The following HEATR5A variants were observed in gnomAD, a reference collection of about 807,000 sequenced individuals.
HEATR5A encodes HEAT repeat-containing protein 5A.
Under a neutral mutation model 218.8 loss-of-function variants are expected in HEATR5A, and 178 were observed. That is an observed-to-expected ratio of 0.81 (90% CI 0.72 to 0.92). HEATR5A has a LOEUF of 0.92. HEATR5A is among the 40% of genes least tolerant of loss of function. The probability of loss-of-function intolerance (pLI) is 0.00; values close to 1 mark genes in which losing one functional copy is unlikely to be tolerated. For synonymous variants in HEATR5A, 864 were observed against 871.6 expected, an observed-to-expected ratio of 0.99 and a Z score of 0.15; for missense variants, 2,420 against 2,418.9, an observed-to-expected ratio of 1.00 and a Z score of -0.01.
At chr14:31,410,748 T>C (rs1226424936) in intron 1 of HEATR5A, among the ~76,000 whole-genome samples, 2 of 152,200 alleles carry the variant, frequency 1.3e-5, no homozygotes, top group Non-Finnish European at 2.9e-5. Context: ...ATCAATTCCA[T>C]CTTTGAATCT....
intron 34 of HEATR5A, among the ~76,000 whole-genome samples, chr14:31,295,135 A>G (rs923596055): frequency 1.3e-5 from 2 of 152,224 alleles, no homozygotes; most frequent in African/African-American, 4.8e-5. Context: ...GCACATAAAA[A>G]ATAGGACATT....
intron 1 of HEATR5A, among the ~76,000 whole-genome samples, chr14:31,410,037 G>C (rs1424315535): frequency 6.6e-6 from 1 of 152,176 alleles, no homozygotes; most frequent in African/African-American, 2.4e-5. Flanking sequence ...TTGGACATGA[G>C]ATAAGATAGG....
chr14:31,411,915 G>A (rs2031287682), intron 1 of HEATR5A, among the ~76,000 whole-genome samples: 1 of 151,992 alleles, frequency 6.6e-6, no homozygotes, highest in Non-Finnish European at 1.5e-5. Flanking sequence ...GAGTGCAGTG[G>A]TGTAATCTTG....
At chr14:31,350,347 T>C (rs1901177157) in intron 17 of HEATR5A, among the ~76,000 whole-genome samples, 2 of 152,286 alleles carry the variant, frequency 1.3e-5, no homozygotes, top group East Asian at 1.9e-4. Flanking sequence ...CCACAGGCCA[T>C]AGTCTATCAA....
intron 25 of HEATR5A, among the ~76,000 whole-genome samples, chr14:31,319,404 C>T (rs894116632): frequency 3.3e-5 from 5 of 152,070 alleles, no homozygotes; most frequent in African/African-American, 4.8e-5. Context: ...CCGCCTACCT[C>T]GGCCTCCCAA....
chr14:31,363,065 C>G (rs550654881), intron 14 of HEATR5A, among the ~76,000 whole-genome samples: 1 of 151,582 alleles, frequency 6.6e-6, no homozygotes, highest in African/African-American at 2.4e-5. Context: ...GGTGAAACCC[C>G]ATCTCTATTA....
chr14:31,313,277 C>T (rs1232485606), intron 27 of HEATR5A, 87 bp from the exon 28 acceptor site: 1 of 980,618 alleles, frequency 1.0e-6, no homozygotes, highest in Non-Finnish European at 1.6e-6. Flanking sequence ...AAGAGGCAGA[C>T]TTACCTTTGA....
At chr14:31,336,970 T>A (rs982302346) in intron 22 of HEATR5A, among the ~76,000 whole-genome samples, 4 of 152,176 alleles carry the variant, frequency 2.6e-5, no homozygotes, top group Non-Finnish European at 4.4e-5. Flanking sequence ...TACAAACCCA[T>A]AGAACAAGTT....
chr14:31,417,661 A>T (rs933232949), intron 1 of HEATR5A, among the ~76,000 whole-genome samples: 8 of 152,012 alleles, frequency 5.3e-5, no homozygotes, highest in African/African-American at 1.9e-4. Context: ...GAGGCAGGAG[A>T]ATCGCTTGAA....
intron 12 of HEATR5A, among the ~76,000 whole-genome samples, 191 bp from the exon 13 acceptor site, chr14:31,372,100 A>C (rs779862525): frequency 2.0e-5 from 3 of 151,924 alleles, no homozygotes; most frequent in Non-Finnish European, 4.4e-5. Flanking sequence ...AAAAACAACA[A>C]CAACTCTCTA....
intron 13 of HEATR5A, among the ~76,000 whole-genome samples, chr14:31,368,831 G>A (rs1221795955): frequency 6.6e-6 from 1 of 151,554 alleles, no homozygotes; most frequent in Non-Finnish European, 1.5e-5. Context: ...CAAAGCACTA[G>A]GATTACAGGC....
In HEATR5A at chr14:31,371,900, C is replaced by T. The variant is rs547999492; in HGVS notation, c.1871G>A (p.Ser624Asn). 23 of 1,513,970 alleles carry T rather than the reference C, an allele frequency of 1.5e-5. No homozygotes were observed. The East Asian group carries it at 5.7e-4, about 38-fold the overall frequency. 93.8% of individuals were successfully genotyped at this position (1,513,970 alleles called of 1,614,324 possible). ...GRAGALCAIKSFVSHCGDLLT... is the reference protein window; with the variant it reads ...GRAGALCAIKNFVSHCGDLLT... ...AAGATCACCACAGTGGGAAACAAAG[C>T]TCTTGATAGCTGAAAAGGAAAACAG... is the stretch of plus-strand genomic sequence containing the variant. The change falls in exon 13 of 36, where the codon AGC becomes AAC. Residue 624 changes from serine to asparagine, a missense_variant. By Grantham distance (46) the Ser-to-Asn change is conservative (BLOSUM62 1). Transcript: ENST00000543095.
In HEATR5A at chr14:31,388,858, A is replaced by G. The variant is rs2030338151; in HGVS notation, c.920T>C (p.Val307Ala). ...TGTGATTCCAACCTGAGTAACTCCA[A>G]CTCGAACATCCCTACTGACTGAACT... is the stretch of plus-strand genomic sequence containing the variant. ...GTSSVSRDVR[V>A]GVTQAYVVFV... The change falls in exon 7 of 36, where the codon GTT (valine) becomes GCT (alanine). Residue 307 changes from valine to alanine, a missense_variant. Physicochemically the swap from Val to Ala is moderately conservative, Grantham distance 64. Coordinates refer to ENST00000543095, the MANE Select transcript of HEATR5A (RefSeq NM_015473.4). The G allele has an allele frequency of 1.2e-6, 2 of 1,613,632 alleles. No individual in the cohort carries two copies. Among genetic ancestry groups the G allele is most frequent in the African/African-American group, 2.7e-5 (2 of 74,908 alleles).
intron 32 of HEATR5A, among the ~76,000 whole-genome samples, 197 bp downstream of exon 32, chr14:31,304,708 C>T (rs1365974174): frequency 5.3e-5 from 8 of 152,204 alleles, no homozygotes; most frequent in East Asian, 1.9e-4. Flanking sequence ...TGAGCCATTG[C>T]GCCTAGCCCT....
chr14:31,312,837 G>T (rs1899800352), intron 28 of HEATR5A, 131 bp downstream of exon 28: 1 of 698,860 alleles, frequency 1.4e-6, no homozygotes, highest in Non-Finnish European at 2.4e-6. Flanking sequence ...GGCAGAGGTT[G>T]CAGTGAGCCA....
intron 14 of HEATR5A, among the ~76,000 whole-genome samples, chr14:31,360,237 A>G (rs1241525710): frequency 6.6e-6 from 1 of 152,150 alleles, no homozygotes; most frequent in East Asian, 1.9e-4. Context: ...CCTCACTGGT[A>G]ATTTATTTGA....
intron 33 of HEATR5A, among the ~76,000 whole-genome samples, chr14:31,298,410 T>A (rs1899259632): frequency 6.6e-6 from 1 of 152,106 alleles, no homozygotes; most frequent in Admixed American, 6.5e-5. Context: ...CACAACCCAT[T>A]TTTTTGTGTG....
chr14:31,320,644 C>T, intron 25 of HEATR5A: 1 of 654,464 alleles, frequency 1.5e-6, no homozygotes, highest in East Asian at 3.1e-5. Context: ...TTTTTTCAGT[C>T]TCCCAGCTTT....
At chr14:31,390,612 T>C (rs1349559871) in intron 6 of HEATR5A, among the ~76,000 whole-genome samples, 1 of 152,226 alleles carries the variant, frequency 6.6e-6, no homozygotes, top group Non-Finnish European at 1.5e-5. Flanking sequence ...AGATCACATA[T>C]ATGACGGTGG....
Sources: gnomAD v4.1 joint callset for allele counts (sites outside exome capture counted in the v4.1 genomes callset) on GRCh38, gnomAD v4.1.1 for gene constraint, MANE v1.5 for transcripts, NCBI Gene and HGNC (gene_info 2026-07-23, HGNC 2026-07-21) for gene names.